HS6ST3: variants seen among roughly 807,000 people sequenced by gnomAD.
HS6ST3 encodes heparan-sulfate 6-O-sulfotransferase 3.
HS6ST3 carries 12 observed loss-of-function variants against 36.7 expected under a neutral mutation model. The observed-to-expected ratio is 0.33, with a 90% CI of 0.21 to 0.53. The LOEUF (loss-of-function observed/expected upper bound fraction) is 0.53. HS6ST3 is among the 20% of genes least tolerant of loss of function. HS6ST3 has a pLI of 0.95. For synonymous variants in HS6ST3, 240 were observed against 257.5 expected, an observed-to-expected ratio of 0.93 and a Z score of 0.65; for missense variants, 584 against 640.9, an observed-to-expected ratio of 0.91 and a Z score of 0.96.
rs1877228697 is a variant in HS6ST3, at chr13:96,770,224, T to C, written c.708-62266T>C. ...GCAGTTATTGGTTCTGAATGTTGGC[T>C]TTCCTGCTCAATGCAGTCTAGTTAT... is the stretch of plus-strand genomic sequence containing the variant. On this transcript the variant is annotated intron_variant, in intron 1 of 1. Transcript: ENST00000376705. Among the ~76,000 whole-genome samples the C allele has an allele frequency of 1.3e-5, 2 of 152,248 alleles. 1 individual carries two copies. The highest frequency in any genetic ancestry group is 4.1e-4 in the South Asian group (2 of 4,834).
At chr13:96,363,863 A>AT (rs982517485) in intron 1 of HS6ST3, among the ~76,000 whole-genome samples, 8 of 151,950 alleles carry the variant, frequency 5.3e-5, no homozygotes, top group South Asian at 4.1e-4. Flanking sequence ...TATGTAATGA[A>AT]TTTTTTTTGA....
intron 1 of HS6ST3, among the ~76,000 whole-genome samples, chr13:96,186,218 C>A (rs1049427644): frequency 6.6e-6 from 1 of 152,058 alleles, no homozygotes; most frequent in Non-Finnish European, 1.5e-5. Flanking sequence ...AAAGTGTTTT[C>A]CTTTTGTGAA....
intron 1 of HS6ST3, among the ~76,000 whole-genome samples, chr13:96,520,559 G>A (rs1438567973): frequency 6.6e-6 from 1 of 152,138 alleles, no homozygotes; most frequent in Non-Finnish European, 1.5e-5. Context: ...TCTCCTTGAA[G>A]AGGTCCTTCA....
chr13:96,613,143 G>C (rs149197715), intron 1 of HS6ST3, among the ~76,000 whole-genome samples: 1 of 152,116 alleles, frequency 6.6e-6, no homozygotes, highest in African/African-American at 2.4e-5. Context: ...ATCACCACTT[G>C]ACCTATTATA....
At chr13:96,330,128 CTT>C (rs1431572694) in intron 1 of HS6ST3, among the ~76,000 whole-genome samples, 2 of 137,446 alleles carry the variant, frequency 1.5e-5, no homozygotes, top group East Asian at 2.3e-4. Context: ...GGTCTTGACT[CTT>C]TATCCAATTT....
chr13:96,558,442 G>C (rs781267503), intron 1 of HS6ST3, among the ~76,000 whole-genome samples: 1 of 152,176 alleles, frequency 6.6e-6, no homozygotes, highest in Non-Finnish European at 1.5e-5. Flanking sequence ...AAGTCTCACA[G>C]CAGGTAGATA....
intron 1 of HS6ST3, among the ~76,000 whole-genome samples, chr13:96,706,415 A>T (rs567207372): frequency 0.02 from 1,838 of 91,512 alleles, 65 homozygotes; most frequent in African/African-American, 0.078. Flanking sequence ...AATATATTTT[A>T]TATATATATA....
At chr13:96,426,947 C>G (rs946284269) in intron 1 of HS6ST3, among the ~76,000 whole-genome samples, 1 of 152,126 alleles carries the variant, frequency 6.6e-6, no homozygotes, top group Admixed American at 6.5e-5. Context: ...GAGTTGTTCT[C>G]TACACATATG....
chr13:96,634,435 C>T (rs1218298260), intron 1 of HS6ST3, among the ~76,000 whole-genome samples: 3 of 152,144 alleles, frequency 2.0e-5, no homozygotes, highest in African/African-American at 7.2e-5. Context: ...GAAACTCAAC[C>T]TTTGTCCAAC....
chr13:96,157,635 G>C (rs958347046), intron 1 of HS6ST3, among the ~76,000 whole-genome samples: 1 of 152,128 alleles, frequency 6.6e-6, no homozygotes, highest in Admixed American at 6.5e-5. Flanking sequence ...GTTCAGTGCA[G>C]GTAACTTTCA....
intron 1 of HS6ST3, among the ~76,000 whole-genome samples, chr13:96,261,777 G>A (rs547669523): frequency 6.6e-6 from 1 of 152,264 alleles, no homozygotes; most frequent in African/African-American, 2.4e-5. Context: ...TGGCTCTGTA[G>A]AGAATATGGT....
At chr13:96,303,438 C>A (rs1027455791) in intron 1 of HS6ST3, among the ~76,000 whole-genome samples, 4 of 152,058 alleles carry the variant, frequency 2.6e-5, no homozygotes, top group African/African-American at 9.7e-5. Context: ...TGCTTTTTTG[C>A]AAAATGGTTA....
chr13:96,614,297 CAAAAAA>C (rs67979751), intron 1 of HS6ST3, among the ~76,000 whole-genome samples: 3 of 43,944 alleles, frequency 6.8e-5, no homozygotes, highest in African/African-American at 9.3e-5. Context: ...GGATCCATCT[CAAAAAA>C]AAAAAAAAAA....
chr13:96,445,472 T>C (rs1403564277), intron 1 of HS6ST3, among the ~76,000 whole-genome samples: 3 of 152,132 alleles, frequency 2.0e-5, no homozygotes, highest in Admixed American at 6.6e-5. Context: ...AGCCTATTAG[T>C]ATGGAAGCAA....
chr13:96,815,798 T>G (rs1330583396), intron 1 of HS6ST3, among the ~76,000 whole-genome samples: 3 of 152,216 alleles, frequency 2.0e-5, no homozygotes, highest in Non-Finnish European at 4.4e-5. Context: ...TTTAAGTTAT[T>G]TAAGTTTTTT....
chr13:96,351,462 C>A (rs2055183982), intron 1 of HS6ST3, among the ~76,000 whole-genome samples: 1 of 151,920 alleles, frequency 6.6e-6, no homozygotes, highest in Non-Finnish European at 1.5e-5. Context: ...GAGGGGCACA[C>A]CACCACATCT....
chr13:96,361,715 C>G (rs2055239334), intron 1 of HS6ST3, among the ~76,000 whole-genome samples: 1 of 152,154 alleles, frequency 6.6e-6, no homozygotes, highest in Non-Finnish European at 1.5e-5. Context: ...AGCCAAAGAA[C>G]AGCAAAACCC....
At chr13:96,728,428 A>G (rs1028062040) in intron 1 of HS6ST3, among the ~76,000 whole-genome samples, 29 of 152,342 alleles carry the variant, frequency 1.9e-4, no homozygotes, top group African/African-American at 7.0e-4. Flanking sequence ...GAGATACTCT[A>G]CAGTTGAGAT....
chr13:96,360,651 A>C (rs1318550502), intron 1 of HS6ST3, among the ~76,000 whole-genome samples: 1 of 151,276 alleles, frequency 6.6e-6, no homozygotes, highest in Non-Finnish European at 1.5e-5. Context: ...ATTATCAAAA[A>C]AAAAAAAAAA....
Sources: allele counts gnomAD v4.1 joint callset (sites outside exome capture counted in the v4.1 genomes callset), GRCh38; gene constraint gnomAD v4.1.1; transcripts MANE v1.5; gene names NCBI Gene and HGNC (gene_info 2026-07-23, HGNC 2026-07-21).